The following OPCML variants were observed in gnomAD, a reference collection of about 807,000 sequenced individuals.
OPCML encodes opioid-binding protein/cell adhesion molecule.
OPCML carries 13 observed loss-of-function variants against 37.8 expected under a neutral mutation model. The observed-to-expected ratio is 0.34, with a 90% confidence interval of 0.22 to 0.55. The LOEUF is 0.55. Among genes scored for constraint, OPCML ranks in the 20% least tolerant of loss-of-function variants. The pLI, the probability that OPCML is intolerant of heterozygous loss-of-function variation, is 0.91. For synonymous variants in OPCML, 176 were observed against 168.8 expected, an observed-to-expected ratio of 1.04 and a Z score of -0.33; for missense variants, 341 against 435.6, an observed-to-expected ratio of 0.78 and a Z score of 1.93.
intron 1 of OPCML, among the ~76,000 whole-genome samples, chr11:133,429,993 G>A (rs1264761282): frequency 1.3e-5 from 2 of 152,156 alleles, no homozygotes; most frequent in Non-Finnish European, 2.9e-5. Flanking sequence ...AGCATAGAGA[G>A]AAAAGTCCAT....
intron 1 of OPCML, among the ~76,000 whole-genome samples, chr11:133,373,424 A>AAAATATATATATATAT (rs376543665): frequency 8.5e-6 from 1 of 117,756 alleles, no homozygotes; most frequent in Non-Finnish European, 1.7e-5. Context: ...ACTTAATTAA[A>AAAATATATATATATAT]ATATATATAT....
intron 2 of OPCML, among the ~76,000 whole-genome samples, chr11:132,794,272 G>T (rs1386483703): frequency 6.6e-6 from 1 of 151,990 alleles, no homozygotes; most frequent in East Asian, 1.9e-4. Flanking sequence ...TTATTCTGAG[G>T]CTCTCTTTAA....
At chr11:132,833,014 G>A (rs1264433245) in intron 2 of OPCML, among the ~76,000 whole-genome samples, 1 of 152,148 alleles carries the variant, frequency 6.6e-6, no homozygotes, top group Admixed American at 6.5e-5. Context: ...CAGTCAGTGA[G>A]TGGTGAGTGG....
rs1249341899 is a variant in OPCML, at chr11:133,458,201, CGT to C, written c.61+74061_61+74062del. 2.2e-3 allele frequency among the ~76,000 whole-genome samples: 281 copies of C among 129,194 alleles called. 10 individuals are homozygous for C. Among genetic ancestry groups the C allele is most frequent in the African/African-American group, 0.011 (259 of 24,444 alleles). The allele number at this position is 129,194 out of a possible 152,430, so 84.8% of individuals were successfully genotyped here. A position where few individuals can be genotyped will look rare whatever the true frequency, so the allele number is the denominator to read the frequency against. On this transcript the variant is annotated intron_variant, in intron 1 of 7. Transcript: ENST00000524381. ...ATGTGTATATATACACATATATACA[CGT>C]GTGTGTATATATACACATATATACA... is the stretch of plus-strand genomic sequence containing the variant.
At position 133,517,971 on chromosome 11, in the gene OPCML, A is replaced by C. The variant is rs1200672093; in HGVS notation, c.61+14293T>G. 3.9e-5 allele frequency among the ~76,000 whole-genome samples: 6 copies of C among 152,326 alleles called. No individual in the cohort carries two copies. The East Asian group carries it at 1.2e-3, about 29-fold the overall frequency. On this transcript the variant is annotated intron_variant, in intron 1 of 7. Coordinates refer to ENST00000524381, the MANE Select transcript of OPCML (RefSeq NM_001012393.5). The stretch of plus-strand genomic sequence containing the variant: ...TCTCCATTTCTGACACCCAGGAAGC[A>C]GTCTCTTTCTCTAGCACTGCCAGTT...
At chr11:133,120,029 C>G (rs1949396894) in intron 1 of OPCML, among the ~76,000 whole-genome samples, 1 of 152,118 alleles carries the variant, frequency 6.6e-6, no homozygotes. Flanking sequence ...TGGGCCTGAT[C>G]TGGAAGCCTG....
chr11:132,446,395 A>G (rs914918529), intron 4 of OPCML, among the ~76,000 whole-genome samples: 5 of 151,998 alleles, frequency 3.3e-5, no homozygotes, highest in Non-Finnish European at 7.4e-5. Context: ...AGAATTCCAT[A>G]CAGGCAGACA....
Position 132,637,299 on chromosome 11 carries a change from T to C in OPCML, c.379+19788A>G, listed in dbSNP as rs80040443. 5.9e-3 allele frequency among the ~76,000 whole-genome samples: 894 copies of C among 152,222 alleles called. 5 individuals are homozygous for C. Among genetic ancestry groups the C allele is most frequent in the South Asian group, 0.023 (109 of 4,816 alleles). On this transcript the variant is annotated intron_variant, in intron 3 of 7. Transcript: ENST00000524381. Reference sequence around the variant, plus strand: ...CCTGGCAGATCGGACCTTCTTAAGCTTCATCACTGAGACCAGACCACCCCC... The same window carrying C: ...CCTGGCAGATCGGACCTTCTTAAGCCTCATCACTGAGACCAGACCACCCCC...
chr11:133,419,574 T>C (rs1945839243), intron 1 of OPCML, among the ~76,000 whole-genome samples: 2 of 152,332 alleles, frequency 1.3e-5, no homozygotes, highest in African/African-American at 4.8e-5. Flanking sequence ...ATTTTCTCTA[T>C]ATGGTGAAAA....
Position 132,715,370 on chromosome 11 carries a change from T to A in OPCML, c.147-58051A>T, listed in dbSNP as rs147615749. Among the ~76,000 whole-genome samples the A allele has an allele frequency of 2.0e-5, 3 of 152,326 alleles. No homozygotes were observed. The East Asian group carries it at 5.8e-4, about 29-fold the overall frequency. On this transcript the variant is annotated intron_variant, in intron 2 of 7. Coordinates refer to ENST00000524381, the MANE Select transcript of OPCML (RefSeq NM_001012393.5). Reference sequence around the variant, plus strand: ...TCCACAAATTGACAGTGTTCTTTAGTGTCAAGAACACAGACTCTGAAACTG... The same window carrying A: ...TCCACAAATTGACAGTGTTCTTTAGAGTCAAGAACACAGACTCTGAAACTG...
chr11:133,009,079 G>A (rs1947165997), intron 1 of OPCML: 1 of 985,296 alleles, frequency 1.0e-6, no homozygotes, highest in Non-Finnish European at 1.2e-6. Context: ...CTACATGTAT[G>A]GGCAGGTTTA....
intron 1 of OPCML, among the ~76,000 whole-genome samples, chr11:133,430,915 T>C (rs1303768487): frequency 6.6e-6 from 1 of 152,228 alleles, no homozygotes; most frequent in African/African-American, 2.4e-5. Context: ...ATCACAGTGT[T>C]AATTAGGTAA....
intron 1 of OPCML, among the ~76,000 whole-genome samples, chr11:133,296,571 A>G (rs746899588): frequency 4.6e-5 from 7 of 152,202 alleles, no homozygotes; most frequent in African/African-American, 7.2e-5. Context: ...TCAGAATTGC[A>G]TCACCCATTG....
chr11:133,025,581 T>C, intron 1 of OPCML: 1 of 527,142 alleles, frequency 1.9e-6, no homozygotes, highest in Non-Finnish European at 2.4e-6. Context: ...CTTTTCTTAT[T>C]ATTTTAATTT....
At chr11:132,617,362 A>G (rs1371750072) in intron 3 of OPCML, among the ~76,000 whole-genome samples, 1 of 152,204 alleles carries the variant, frequency 6.6e-6, no homozygotes, top group Non-Finnish European at 1.5e-5. Flanking sequence ...GGCCAGGGAG[A>G]GTCTATTTAC....
intron 1 of OPCML, chr11:133,118,221 C>G (rs1265979229): frequency 5.1e-6 from 5 of 985,146 alleles, no homozygotes; most frequent in Non-Finnish European, 6.0e-6. Flanking sequence ...CTTTCTGGGA[C>G]TCTCTACTGA....
intron 1 of OPCML, chr11:133,417,984 G>C (rs2136885869): frequency 1.3e-6 from 1 of 751,468 alleles, no homozygotes. Context: ...CACAAGCTTT[G>C]TTCCTTGCGA....
chr11:133,339,711 A>G (rs1433979729), intron 1 of OPCML, among the ~76,000 whole-genome samples: 2 of 152,216 alleles, frequency 1.3e-5, no homozygotes, highest in Admixed American at 6.5e-5. Flanking sequence ...CTCATGGCAC[A>G]TAATCACACA....
intron 2 of OPCML, among the ~76,000 whole-genome samples, chr11:132,672,252 G>A (rs1381599401): frequency 6.6e-6 from 1 of 152,124 alleles, no homozygotes; most frequent in Non-Finnish European, 1.5e-5. Flanking sequence ...TAAGCCCTCG[G>A]GGATTGCAGC....
Sources: allele counts gnomAD v4.1 joint callset (sites outside exome capture counted in the v4.1 genomes callset), GRCh38; gene constraint gnomAD v4.1.1; transcripts MANE v1.5; gene names NCBI Gene and HGNC (gene_info 2026-07-23, HGNC 2026-07-21).